The following BACH2 variants were observed in gnomAD, a reference collection of about 807,000 sequenced individuals.
The protein encoded by BACH2 is transcription regulator protein BACH2.
In BACH2, 5 loss-of-function variants were observed where a neutral mutation model predicts 61.8. The observed-to-expected ratio is 0.08, with a 90% CI of 0.04 to 0.17. The LOEUF (loss-of-function observed/expected upper bound fraction) is 0.17, where lower values mean the gene tolerates loss of function less well. Among genes scored for constraint, BACH2 ranks in the 10% least tolerant of loss-of-function variants. The pLI, the probability that BACH2 is intolerant of heterozygous loss-of-function variation, is 1.00. For synonymous variants in BACH2, 446 were observed against 440.1 expected (o/e 1.01, Z -0.17); for missense variants, 824 against 1,091.1 (o/e 0.76, Z 3.45).
chr6:90,020,401 G>A (rs114970196), intron 5 of BACH2, among the ~76,000 whole-genome samples: 281 of 152,188 alleles, frequency 1.8e-3, no homozygotes, highest in African/African-American at 6.3e-3. Context: ...GTTATTGAAG[G>A]AGTGCATTAG....
intron 6 of BACH2, among the ~76,000 whole-genome samples, chr6:90,004,334 C>G (rs77978239): frequency 6.6e-6 from 1 of 152,116 alleles, no homozygotes; most frequent in Non-Finnish European, 1.5e-5. Flanking sequence ...TGAGCACAAG[C>G]GAGCACAAAC....
At chr6:90,105,120 A>G (rs1782844329) in intron 4 of BACH2, among the ~76,000 whole-genome samples, 1 of 152,244 alleles carries the variant, frequency 6.6e-6, no homozygotes, top group Non-Finnish European at 1.5e-5. Context: ...CATGTGGATC[A>G]GGGCTGGGAA....
At chr6:90,253,787 T>A (rs761686028) in intron 2 of BACH2, among the ~76,000 whole-genome samples, 51 of 152,342 alleles carry the variant, frequency 3.3e-4, no homozygotes, top group Non-Finnish European at 6.6e-4. Context: ...ATATATTTCA[T>A]ATTTGACCTG....
At chr6:89,953,958 G>A (rs529497655) in intron 6 of BACH2, among the ~76,000 whole-genome samples, 51 of 152,302 alleles carry the variant, frequency 3.3e-4, no homozygotes, top group Middle Eastern at 3.4e-3. Flanking sequence ...TTCAGCAAAT[G>A]TAGTACTGAC....
At chr6:90,261,964 C>T (rs968775251) in intron 2 of BACH2, among the ~76,000 whole-genome samples, 15 of 152,140 alleles carry the variant, frequency 9.9e-5, no homozygotes, top group Non-Finnish European at 1.6e-4. Context: ...GTGACCCTCT[C>T]GCCTTGGATT....
intron 6 of BACH2, among the ~76,000 whole-genome samples, chr6:89,977,878 C>T (rs1775740000): frequency 6.6e-6 from 1 of 152,194 alleles, no homozygotes; most frequent in African/African-American, 2.4e-5. Context: ...AAGACTGTTA[C>T]TAATAAATAA....
At chr6:90,096,353 C>T (rs1447543467) in intron 4 of BACH2, among the ~76,000 whole-genome samples, 1 of 152,188 alleles carries the variant, frequency 6.6e-6, no homozygotes, top group African/African-American at 2.4e-5. Flanking sequence ...ATGTCACTTG[C>T]AGAGACACTG....
chr6:90,215,195 C>A (rs1769491496), intron 3 of BACH2, among the ~76,000 whole-genome samples: 1 of 152,096 alleles, frequency 6.6e-6, no homozygotes, highest in East Asian at 1.9e-4. Context: ...TGCTCTCAAA[C>A]CAGTTTCTGC....
At chr6:90,049,322 C>T (rs914776993) in intron 5 of BACH2, among the ~76,000 whole-genome samples, 1 of 152,006 alleles carries the variant, frequency 6.6e-6, no homozygotes, top group African/African-American at 2.4e-5. Flanking sequence ...GTTATAAAAA[C>T]AAAATAGGGT....
At chr6:90,240,408 T>C (rs1770411846) in intron 3 of BACH2, among the ~76,000 whole-genome samples, 2 of 152,212 alleles carry the variant, frequency 1.3e-5, no homozygotes, top group South Asian at 2.1e-4. Flanking sequence ...ATATAATTTA[T>C]GTGAAAATGA....
At chr6:90,147,457 G>A (rs761544320) in intron 4 of BACH2, among the ~76,000 whole-genome samples, 2 of 152,124 alleles carry the variant, frequency 1.3e-5, no homozygotes, top group Non-Finnish European at 2.9e-5. Flanking sequence ...AGTACACTTG[G>A]AGAGCCGTTC....
Position 90,024,457 on chromosome 6 carries a change from G to A in BACH2, c.-12-15601C>T, listed in dbSNP as rs12663465. On this transcript the variant is annotated intron_variant, in intron 5 of 8. Coordinates refer to ENST00000257749, the MANE Select transcript of BACH2 (RefSeq NM_021813.4). ...TCTGAGCCCAGGCCTTTGCTTTGCA[G>A]TAAAACTTTTTTCAGAGATCTCGTG... Among the ~76,000 whole-genome samples, 444 of 152,332 alleles carry A rather than the reference G, an allele frequency of 2.9e-3. 13 individuals are homozygous for A. The East Asian group carries it at 0.077, about 26-fold the overall frequency.
At chr6:90,186,254 G>A (rs942078610) in intron 4 of BACH2, among the ~76,000 whole-genome samples, 12 of 152,136 alleles carry the variant, frequency 7.9e-5, no homozygotes, top group African/African-American at 2.9e-4. Flanking sequence ...CACAAAAAAT[G>A]TTCCACTTAA....
chr6:90,029,468 C>T (rs1013979683), intron 5 of BACH2, among the ~76,000 whole-genome samples: 1 of 152,084 alleles, frequency 6.6e-6, no homozygotes, highest in Non-Finnish European at 1.5e-5. Context: ...AACCACAACC[C>T]CAGCCTCCCA....
chr6:90,104,156 A>T (rs956155524), intron 4 of BACH2, among the ~76,000 whole-genome samples: 2 of 152,208 alleles, frequency 1.3e-5, no homozygotes, highest in African/African-American at 4.8e-5. Flanking sequence ...CTGATTCTGG[A>T]GAAGGCAAAT....
intron 5 of BACH2, among the ~76,000 whole-genome samples, chr6:90,020,489 C>A (rs565789788): frequency 8.6e-4 from 131 of 152,232 alleles, no homozygotes; most frequent in Non-Finnish European, 1.6e-3. Flanking sequence ...ATGCCCTGTG[C>A]CACCTTGGGA....
chr6:90,103,031 T>TA (rs59852999), intron 4 of BACH2, among the ~76,000 whole-genome samples: 575 of 29,028 alleles, frequency 0.02, 2 homozygotes, highest in Middle Eastern at 0.067. Flanking sequence ...ATATATATAT[T>TA]TTTTTTTTTT....
intron 4 of BACH2, among the ~76,000 whole-genome samples, chr6:90,160,762 T>C (rs979921753): frequency 6.6e-6 from 1 of 152,198 alleles, no homozygotes; most frequent in Non-Finnish European, 1.5e-5. Context: ...ACATCTAAGT[T>C]GGAGTCTTCA....
At chr6:90,106,366 T>C (rs1015807852) in intron 4 of BACH2, among the ~76,000 whole-genome samples, 1 of 152,242 alleles carries the variant, frequency 6.6e-6, no homozygotes, top group Non-Finnish European at 1.5e-5. Flanking sequence ...GGTGGTCCCA[T>C]AGATTCTAAC....
Sources: gnomAD v4.1 joint callset for allele counts (sites outside exome capture counted in the v4.1 genomes callset) on GRCh38, gnomAD v4.1.1 for gene constraint, MANE v1.5 for transcripts, NCBI Gene and HGNC (gene_info 2026-07-23, HGNC 2026-07-21) for gene names.